The following ARHGAP15 variants were observed in gnomAD, a reference collection of about 807,000 sequenced individuals.
ARHGAP15 encodes the protein rho GTPase-activating protein 15.
ARHGAP15 carries 51 observed loss-of-function variants against 63.7 expected under a neutral mutation model. The observed-to-expected ratio is 0.80, with a 90% confidence interval of 0.64 to 1.01. The LOEUF is 1.01. ARHGAP15 is among the 50% of genes least tolerant of loss of function. The pLI is 0.00. For missense variants in ARHGAP15, 560 were observed against 564.6 expected (o/e 0.99, Z 0.08); for synonymous variants, 191 against 193.8 (o/e 0.99, Z 0.12).
chr2:143,157,645 A>C (rs1690134024), intron 2 of ARHGAP15, among the ~76,000 whole-genome samples: 1 of 151,666 alleles, frequency 6.6e-6, no homozygotes. Context: ...TTCACCGAGA[A>C]AACTTGGCTC....
chr2:143,417,449 C>T lies in ARHGAP15; in HGVS notation c.475-18152C>T, dbSNP rs1032110355. ...AAAATGAGAGGGGTGGTTTCAGATA[C>T]ACCTTGTTCTGTACTTGTCTGTACT... is the stretch of plus-strand genomic sequence containing the variant. On this transcript the variant is annotated intron_variant, in intron 6 of 13. Coordinates refer to ENST00000295095, the MANE Select transcript of ARHGAP15 (RefSeq NM_018460.4). Among the ~76,000 whole-genome samples, 77 of 152,268 alleles carry T rather than the reference C, an allele frequency of 5.1e-4. 1 individual carries two copies. The highest frequency in any genetic ancestry group is 9.1e-4 in the Non-Finnish European group (62 of 68,020).
chr2:143,371,347 C>T (rs1216104740), intron 6 of ARHGAP15, among the ~76,000 whole-genome samples: 1 of 152,142 alleles, frequency 6.6e-6, no homozygotes, highest in Non-Finnish European at 1.5e-5. Flanking sequence ...AGGACATCTT[C>T]TCTAACAATG....
chr2:143,398,762 T>A (rs562849454), intron 6 of ARHGAP15, among the ~76,000 whole-genome samples: 2 of 115,056 alleles, frequency 1.7e-5, no homozygotes, highest in African/African-American at 6.8e-5. Context: ...TTATAATAAA[T>A]GAAAAAAATC....
intron 10 of ARHGAP15, among the ~76,000 whole-genome samples, chr2:143,542,621 CATATATATATGATTTAAA>C (rs1695123424): frequency 7.1e-6 from 1 of 141,686 alleles, no homozygotes; most frequent in Non-Finnish European, 1.5e-5. Flanking sequence ...GCATATATAT[CATATATATATGATTTAAA>C]ATATATATAT....
intron 8 of ARHGAP15, among the ~76,000 whole-genome samples, chr2:143,481,594 C>T (rs949551536): frequency 6.6e-6 from 1 of 152,038 alleles, no homozygotes; most frequent in African/African-American, 2.4e-5. Flanking sequence ...TTTTGGTTCC[C>T]ATACCCTAAA....
At chr2:143,618,253 A>G (rs1236678584) in intron 11 of ARHGAP15, among the ~76,000 whole-genome samples, 1 of 152,242 alleles carries the variant, frequency 6.6e-6, no homozygotes, top group Non-Finnish European at 1.5e-5. Flanking sequence ...AATCTTCTAT[A>G]TCCTTATAAA....
At chr2:143,681,770 C>T (rs907458981) in intron 12 of ARHGAP15, among the ~76,000 whole-genome samples, 1 of 152,160 alleles carries the variant, frequency 6.6e-6, no homozygotes, top group African/African-American at 2.4e-5. Context: ...GAAATTAACA[C>T]AGGAGATAGA....
At chr2:143,508,945 C>T (rs919104305) in intron 9 of ARHGAP15, among the ~76,000 whole-genome samples, 1 of 152,134 alleles carries the variant, frequency 6.6e-6, no homozygotes, top group African/African-American at 2.4e-5. Context: ...GGCCAGAAGC[C>T]TGAGAAACAA....
chr2:143,173,029 A>G (rs1237554782), intron 2 of ARHGAP15, among the ~76,000 whole-genome samples: 1 of 152,106 alleles, frequency 6.6e-6, no homozygotes, highest in African/African-American at 2.4e-5. Context: ...GTTGACATCC[A>G]TGAATTTCAA....
chr2:143,370,600 TTATC>T (rs1462877728), intron 6 of ARHGAP15, among the ~76,000 whole-genome samples: 4 of 152,208 alleles, frequency 2.6e-5, no homozygotes, highest in South Asian at 2.1e-4. Context: ...TATGAGGAAA[TTATC>T]TAATTAGAAG....
intron 6 of ARHGAP15, among the ~76,000 whole-genome samples, chr2:143,319,426 T>TCGAACTCCTGACC (rs1158359088): frequency 1.3e-5 from 2 of 152,070 alleles, no homozygotes; most frequent in African/African-American, 4.8e-5. Context: ...TTCACCATGT[T>TCGAACTCCTGACC]AGCCAGGCTG....
intron 6 of ARHGAP15, among the ~76,000 whole-genome samples, chr2:143,413,971 G>GCGCGTGCGCGCGCGCA (rs147891307): frequency 2.0e-5 from 3 of 147,640 alleles, no homozygotes; most frequent in African/African-American, 5.0e-5. Flanking sequence ...GTGTGTGCGC[G>GCGCGTGCGCGCGCGCA]CTCTCTGGCA....
chr2:143,315,372 G>A (rs1046094339), intron 6 of ARHGAP15, among the ~76,000 whole-genome samples: 1 of 151,802 alleles, frequency 6.6e-6, no homozygotes, highest in African/African-American at 2.4e-5. Context: ...TTTATCCTAG[G>A]CCAATTCTAT....
intron 13 of ARHGAP15, among the ~76,000 whole-genome samples, chr2:143,723,359 A>G (rs1685145998): frequency 6.6e-6 from 1 of 152,154 alleles, no homozygotes; most frequent in African/African-American, 2.4e-5. Context: ...GCTGGGGCTG[A>G]AGGAGGATGC....
At chr2:143,639,633 G>A (rs559110177) in intron 12 of ARHGAP15, among the ~76,000 whole-genome samples, 27 of 151,692 alleles carry the variant, frequency 1.8e-4, no homozygotes, top group South Asian at 4.2e-4. Flanking sequence ...TACAATCCCC[G>A]GCAAGTGAAT....
chr2:143,634,960 C>T (rs1206509243), intron 12 of ARHGAP15, among the ~76,000 whole-genome samples: 2 of 151,998 alleles, frequency 1.3e-5, no homozygotes, highest in African/African-American at 2.4e-5. Context: ...CACGGTGGCA[C>T]CAGAAGAGCC....
At chr2:143,349,007 C>T (rs2105308468) in intron 6 of ARHGAP15, among the ~76,000 whole-genome samples, 1 of 152,202 alleles carries the variant, frequency 6.6e-6, no homozygotes, top group Middle Eastern at 3.4e-3. Context: ...AATGTGGGTA[C>T]TGGAAGGAAT....
intron 6 of ARHGAP15, among the ~76,000 whole-genome samples, chr2:143,374,235 A>T (rs1423999493): frequency 6.6e-6 from 1 of 152,192 alleles, no homozygotes; most frequent in African/African-American, 2.4e-5. Flanking sequence ...TAGTTTTAAA[A>T]AATGGGATAT....
At chr2:143,133,838 A>G (rs867406055) in intron 1 of ARHGAP15, among the ~76,000 whole-genome samples, 11 of 152,260 alleles carry the variant, frequency 7.2e-5, no homozygotes, top group African/African-American at 2.4e-4. Context: ...AGTTTATGTA[A>G]AAACCATATA....
Sources: allele counts gnomAD v4.1 joint callset (sites outside exome capture counted in the v4.1 genomes callset), GRCh38; gene constraint gnomAD v4.1.1; transcripts MANE v1.5; gene names NCBI Gene and HGNC (gene_info 2026-07-23, HGNC 2026-07-21).